MAP4K3: variants seen among roughly 807,000 people sequenced by gnomAD.
The protein encoded by MAP4K3 is mitogen-activated protein kinase kinase kinase kinase 3, also known as MAPK/ERK kinase kinase kinase 3.
Under a neutral mutation model 143.5 loss-of-function variants are expected in MAP4K3, and 94 were observed. The ratio of observed to expected loss-of-function variants is 0.65; its 90% CI spans 0.55 to 0.78. MAP4K3 has a LOEUF of 0.78. Ranked by LOEUF, MAP4K3 falls within the 30% of genes least tolerant of loss-of-function variation. The pLI is 0.00. For missense variants in MAP4K3, 1,077 were observed against 1,068.1 expected (o/e 1.01, Z -0.12); for synonymous variants, 416 against 347.2 (o/e 1.20, Z -2.20).
At chr2:39,353,063 A>T (rs1665503740) in intron 3 of MAP4K3, among the ~76,000 whole-genome samples, 1 of 152,234 alleles carries the variant, frequency 6.6e-6, no homozygotes, top group African/African-American at 2.4e-5. Context: ...TTCTGGGCTA[A>T]GCAATACAGT....
At chr2:39,393,480 T>C (rs1033201737) in intron 1 of MAP4K3, among the ~76,000 whole-genome samples, 1 of 152,152 alleles carries the variant, frequency 6.6e-6, no homozygotes, top group Admixed American at 6.5e-5. Context: ...TTACAATCCA[T>C]CCATTTTTTA....
chr2:39,359,275 G>A (rs1475335461), intron 2 of MAP4K3, among the ~76,000 whole-genome samples: 1 of 151,898 alleles, frequency 6.6e-6, no homozygotes, highest in East Asian at 2.0e-4. Flanking sequence ...CAACAGGGTA[G>A]TCATTAAATC....
chr2:39,327,879 C>G (rs1683545567), intron 8 of MAP4K3, among the ~76,000 whole-genome samples: 1 of 151,658 alleles, frequency 6.6e-6, no homozygotes, highest in Non-Finnish European at 1.5e-5. Context: ...GCTCTCCCTT[C>G]TTCTATGTAA....
At position 39,331,970 on chromosome 2, in the gene MAP4K3, T is replaced by C. The variant is rs111736969; in HGVS notation, c.477A>G (p.Ala159=). The C allele has an allele frequency of 4.9e-5, 76 of 1,551,464 alleles. No homozygotes were observed. Among genetic ancestry groups the C allele is most frequent in the Non-Finnish European group, 6.4e-5 (73 of 1,139,980 alleles). Residue 159 remains alanine, a synonymous_variant, in exon 8 of 34, where the codon GCA becomes GCG. Transcript: ENST00000263881. The part of the protein sequence containing the change: ...HVKLADFGVS[A]QITATIAKRK... ...GTTTGGCAATTGTAGCTGTTATCTGTGCAGATACTCCAAAATCAGCTATTA... is the reference window on the plus strand; with the variant it reads ...GTTTGGCAATTGTAGCTGTTATCTGCGCAGATACTCCAAAATCAGCTATTA...
At chr2:39,422,870 T>C (rs528937533) in intron 1 of MAP4K3, among the ~76,000 whole-genome samples, 11 of 152,258 alleles carry the variant, frequency 7.2e-5, no homozygotes, top group East Asian at 1.9e-4. Context: ...TGGTCTAGCA[T>C]TGAGTTTTTA....
At chr2:39,435,150 T>C (rs1665419010) in intron 1 of MAP4K3, among the ~76,000 whole-genome samples, 1 of 152,228 alleles carries the variant, frequency 6.6e-6, no homozygotes, top group Admixed American at 6.5e-5. Flanking sequence ...CATCCACTTC[T>C]ACTTTCACAG....
At chr2:39,318,758 C>T (rs942851478) in intron 12 of MAP4K3, among the ~76,000 whole-genome samples, 16 of 152,118 alleles carry the variant, frequency 1.1e-4, no homozygotes, top group African/African-American at 3.1e-4. Flanking sequence ...AACCATTTCA[C>T]GTTTATTCAA....
intron 1 of MAP4K3, chr2:39,436,635 G>A (rs570477935): frequency 3.8e-6 from 2 of 522,062 alleles, no homozygotes; most frequent in Admixed American, 6.8e-5. Context: ...CCCTTCCCTG[G>A]AAATGCGCGC....
At chr2:39,406,435 TACTC>T (rs1667095061) in intron 1 of MAP4K3, among the ~76,000 whole-genome samples, 1 of 152,144 alleles carries the variant, frequency 6.6e-6, no homozygotes, top group East Asian at 1.9e-4. Context: ...AGACATTGAA[TACTC>T]CAAACTCCCA....
chr2:39,332,508 A>C (rs957453604), intron 7 of MAP4K3, among the ~76,000 whole-genome samples: 1 of 152,000 alleles, frequency 6.6e-6, no homozygotes, highest in African/African-American at 2.4e-5. Context: ...ACTATCAGGA[A>C]ATTATTTTTA....
chr2:39,318,619 T>C (rs1481991937), intron 12 of MAP4K3, among the ~76,000 whole-genome samples: 1 of 152,132 alleles, frequency 6.6e-6, no homozygotes, highest in Non-Finnish European at 1.5e-5. Context: ...TTCTAATAAA[T>C]GGCATTTAAA....
At chr2:39,271,971 A>C (rs1681043932) in intron 26 of MAP4K3, 1 of 195,746 alleles carries the variant, frequency 5.1e-6, no homozygotes, top group South Asian at 1.3e-4. Flanking sequence ...TAAAGTTAAC[A>C]CATATGTCAA....
intron 1 of MAP4K3, among the ~76,000 whole-genome samples, chr2:39,411,906 T>C (rs138322434): frequency 1.3e-5 from 2 of 152,334 alleles, no homozygotes; most frequent in Non-Finnish European, 2.9e-5. Context: ...ACACGCTTCA[T>C]GGCACTCTAG....
chr2:39,428,515 T>C (rs1665169848), intron 1 of MAP4K3, among the ~76,000 whole-genome samples: 1 of 150,672 alleles, frequency 6.6e-6, no homozygotes, highest in African/African-American at 2.4e-5. Flanking sequence ...TCTACTAAAA[T>C]AATACAAAAA....
Position 39,258,310 on chromosome 2 carries a change from G to C in MAP4K3, c.2470+38C>G. 2 of 1,224,864 alleles carry C rather than the reference G, an allele frequency of 1.6e-6. 1 individual carries two copies. The highest frequency in any genetic ancestry group is 5.5e-4 in the Middle Eastern group (2 of 3,632). 75.9% of individuals were successfully genotyped at this position (1,224,864 alleles called of 1,614,324 possible). On this transcript the variant is annotated intron_variant, in intron 31 of 33. Transcript: ENST00000263881. The stretch of plus-strand genomic sequence containing the variant: ...TAATTAGCAGATAAATTATTTTAAG[G>C]AGTTCATAATGCAAAGAATTATAAA...
chr2:39,361,250 T>A (rs1483803289), intron 2 of MAP4K3, among the ~76,000 whole-genome samples: 1 of 149,252 alleles, frequency 6.7e-6, no homozygotes, highest in Non-Finnish European at 1.5e-5. Context: ...TGTAATAATA[T>A]GATATTATAA....
intron 5 of MAP4K3, 25 bp from the exon 6 acceptor site, chr2:39,336,992 TAAAC>T: frequency 8.3e-7 from 1 of 1,208,470 alleles, no homozygotes; most frequent in Non-Finnish European, 1.2e-6. Flanking sequence ...AACAGAAAAA[TAAAC>T]AAGATTTTAT....
intron 3 of MAP4K3, among the ~76,000 whole-genome samples, chr2:39,350,400 TAC>T (rs776940671): frequency 5.3e-5 from 8 of 152,296 alleles, no homozygotes; most frequent in Admixed American, 1.3e-4. Context: ...GTGAAGGAAA[TAC>T]AGAGAACTCT....
chr2:39,308,936 C>A (rs1682814813), intron 14 of MAP4K3, among the ~76,000 whole-genome samples: 1 of 151,304 alleles, frequency 6.6e-6, no homozygotes, highest in Admixed American at 6.6e-5. Context: ...TTTTAAAAAG[C>A]CCCTCAAAAA....
Sources: gnomAD v4.1 joint callset for allele counts (sites outside exome capture counted in the v4.1 genomes callset) on GRCh38, gnomAD v4.1.1 for gene constraint, MANE v1.5 for transcripts, NCBI Gene and HGNC (gene_info 2026-07-23, HGNC 2026-07-21) for gene names.